The following FCRL5 variants were observed in gnomAD, a reference collection of about 807,000 sequenced individuals.
The protein encoded by FCRL5 is Fc receptor like 5.
Under a neutral mutation model 92.1 loss-of-function variants are expected in FCRL5, and 79 were observed. That is an observed-to-expected ratio of 0.86 (90% CI 0.72 to 1.03). The LOEUF is 1.03. FCRL5 is among the 50% of genes least tolerant of loss of function. The pLI, the probability that FCRL5 is intolerant of heterozygous loss-of-function variation, is 0.00. For missense variants in FCRL5, 1,160 were observed against 1,181.1 expected, an observed-to-expected ratio of 0.98 and a Z score of 0.26; for synonymous variants, 466 against 469.3, an observed-to-expected ratio of 0.99 and a Z score of 0.09.
chr1:157,540,692 A>G (rs1268298423), intron 6 of FCRL5, among the ~76,000 whole-genome samples: 1 of 152,152 alleles, frequency 6.6e-6, no homozygotes, highest in Admixed American at 6.5e-5. Flanking sequence ...TTTGTCCATT[A>G]CAACTTGGTT....
intron 8 of FCRL5, among the ~76,000 whole-genome samples, chr1:157,530,128 T>C (rs1650630807): frequency 6.6e-6 from 1 of 152,226 alleles, no homozygotes; most frequent in African/African-American, 2.4e-5. Flanking sequence ...ATAAGTACAC[T>C]CATAGACACA....
intron 8 of FCRL5, among the ~76,000 whole-genome samples, chr1:157,530,235 T>C (rs529348949): frequency 4.6e-5 from 7 of 152,338 alleles, no homozygotes; most frequent in Non-Finnish European, 7.3e-5. Context: ...TATGGGCATC[T>C]TTCTGTGGTA....
chr1:157,523,448 T>A (rs113289684), intron 10 of FCRL5, among the ~76,000 whole-genome samples: 1 of 152,220 alleles, frequency 6.6e-6, no homozygotes, highest in Non-Finnish European at 1.5e-5. Context: ...GAGGTCAGTA[T>A]GGGAAGAGGT....
At chr1:157,524,709 GAAC>G in intron 9 of FCRL5, 152 bp from the exon 10 acceptor site, 3 of 869,292 alleles carry the variant, frequency 3.5e-6, no homozygotes, top group Non-Finnish European at 5.2e-6. Context: ...TCTCCAGAAA[GAAC>G]AACATTTGTG....
chr1:157,551,557 C>A (rs1034744731), intron 1 of FCRL5, among the ~76,000 whole-genome samples: 1 of 152,150 alleles, frequency 6.6e-6, no homozygotes, highest in Admixed American at 6.6e-5. Flanking sequence ...AGTACATTGG[C>A]CTTGCTGGGA....
chr1:157,537,681 G>T (rs1176389692), intron 7 of FCRL5, among the ~76,000 whole-genome samples: 1 of 152,066 alleles, frequency 6.6e-6, no homozygotes, highest in African/African-American at 2.4e-5. Context: ...GGGGCATCAT[G>T]GAACCTGCCG....
chr1:157,535,569 GT>G (rs1293324890), intron 7 of FCRL5, among the ~76,000 whole-genome samples: 1 of 151,760 alleles, frequency 6.6e-6, no homozygotes, highest in African/African-American at 2.4e-5. Flanking sequence ...TTACAACTCA[GT>G]TTTTACCCCC....
In FCRL5 at chr1:157,524,533, G is replaced by A. The variant is rs762426899; in HGVS notation, c.1985C>T (p.Thr662Ile). Residue 662 changes from threonine (T) to isoleucine (I), a missense_variant, in exon 10 of 17, where the codon ACC becomes ATC. Transcript: ENST00000361835. ...VIVPVSRPIL[T>I]FRAPRAQAVV... ...AGCCTGGGCCCTGGGAGCCCTGAAGGTGAGGATGGGACGAGATACTGGAAC... is the reference window on the plus strand; with the variant it reads ...AGCCTGGGCCCTGGGAGCCCTGAAGATGAGGATGGGACGAGATACTGGAAC... 201 of 1,611,662 alleles carry A rather than the reference G, an allele frequency of 1.2e-4. No homozygotes were observed. Among genetic ancestry groups the A allele is most frequent in the Non-Finnish European group, 1.6e-4 (192 of 1,178,458 alleles).
At chr1:157,544,198 A>G in intron 5 of FCRL5, 64 bp downstream of exon 5, 3 of 1,570,350 alleles carry the variant, frequency 1.9e-6, no homozygotes, top group Non-Finnish European at 2.6e-6. Context: ...CCACGCTGAT[A>G]TGCAGCCCTG....
At position 157,515,303 on chromosome 1, in the gene FCRL5, C is replaced by A. The variant is rs908696955; in HGVS notation, c.*372G>T. On this transcript the variant is annotated 3_prime_UTR_variant, in exon 17 of 17. Transcript: ENST00000361835. The stretch of plus-strand genomic sequence containing the variant: ...AGGAGCACCTGAGCTGTTAGGCCAG[C>A]CCGGCATCTCCTGAAGGCCCACTCT... 1 of 313,604 alleles carries A rather than the reference C, an allele frequency of 3.2e-6. No individual in the cohort carries two copies. Among genetic ancestry groups the A allele is most frequent in the South Asian group, 3.6e-5 (1 of 28,072 alleles). 19.4% of individuals were successfully genotyped at this position (313,604 alleles called of 1,614,324 possible).
chr1:157,547,008 C>A lies in FCRL5; in HGVS notation c.242G>T (p.Gly81Val). ...GCCCTGGGCCTGGCATCTGTACTCT[C>A]CAGATTCCTGAACCTCAAGGATATT... ...PDNILEVQES[G>V]EYRCQAQGSP... Residue 81 changes from glycine to valine, a missense_variant, in exon 3 of 17, where the codon GGA (glycine) becomes GTA (valine). Physicochemically the swap from Gly to Val is moderately radical, Grantham distance 109. Coordinates refer to ENST00000361835, the MANE Select transcript of FCRL5 (RefSeq NM_031281.3). 6.2e-7 allele frequency: 1 copy of A among 1,614,102 alleles called. No homozygotes were observed. The highest frequency in any genetic ancestry group is 8.5e-7 in the Non-Finnish European group (1 of 1,179,962).
intron 8 of FCRL5, among the ~76,000 whole-genome samples, chr1:157,528,918 A>G (rs1239799470): frequency 1.3e-5 from 2 of 152,234 alleles, no homozygotes. Context: ...GTTCATGACC[A>G]AGAACCCAAA....
chr1:157,539,467 G>T, intron 6 of FCRL5, 103 bp from the exon 7 acceptor site: 1 of 1,099,698 alleles, frequency 9.1e-7, no homozygotes, highest in African/African-American at 1.6e-5. Context: ...AAGCCAAAGG[G>T]AAAAGTCAAG....
intron 3 of FCRL5, among the ~76,000 whole-genome samples, chr1:157,545,690 G>T (rs527952022): frequency 6.6e-6 from 1 of 151,878 alleles, no homozygotes. Flanking sequence ...CACCAAGCCC[G>T]GCTAATTTTT....
chr1:157,520,882 A>G (rs1650151797), intron 11 of FCRL5, 135 bp downstream of exon 11: 1 of 1,056,172 alleles, frequency 9.5e-7, no homozygotes, highest in East Asian at 2.5e-5. Context: ...CAGGAAATAT[A>G]GCAGTTTAGA....
intron 5 of FCRL5, among the ~76,000 whole-genome samples, chr1:157,543,968 A>G (rs1208263924): frequency 1.4e-5 from 2 of 145,018 alleles, no homozygotes; most frequent in African/African-American, 5.1e-5. Flanking sequence ...GCTTATCCCT[A>G]TGGGCCTAGA....
chr1:157,536,882 T>C (rs1389816104), intron 7 of FCRL5, among the ~76,000 whole-genome samples: 1 of 152,256 alleles, frequency 6.6e-6, no homozygotes, highest in Non-Finnish European at 1.5e-5. Context: ...TTATAATTTC[T>C]TATGCCTGTC....
chr1:157,521,255 G>A lies in FCRL5; in HGVS notation c.2277C>T (p.Pro759=), dbSNP rs765290918. The A allele has an allele frequency of 7.4e-6, 12 of 1,613,934 alleles. No individual in the cohort carries two copies. Among genetic ancestry groups the A allele is most frequent in the Middle Eastern group, 1.7e-4 (1 of 6,060 alleles). The change falls in exon 11 of 17, where the codon CCC becomes CCT. Residue 759 remains proline (P), a synonymous_variant. Transcript: ENST00000361835. The part of the protein sequence containing the change: ...VSRPVLTLRA[P]GTHAAVGDLL... The stretch of plus-strand genomic sequence containing the variant: ...GGTCCCCCACCGCAGCATGGGTCCC[G>A]GGAGCCCTGAGGGTGAGGACCGGGC...
intron 15 of FCRL5, 104 bp from the exon 16 acceptor site, chr1:157,515,977 C>T (rs1649910841): frequency 7.8e-7 from 1 of 1,275,536 alleles, no homozygotes; most frequent in South Asian, 1.2e-5. Context: ...GCCCGCTCTC[C>T]CTCTGTGCGG....
Sources: gnomAD v4.1 joint callset for allele counts (sites outside exome capture counted in the v4.1 genomes callset) on GRCh38, gnomAD v4.1.1 for gene constraint, MANE v1.5 for transcripts, NCBI Gene and HGNC (gene_info 2026-07-23, HGNC 2026-07-21) for gene names.